The following GMPPB variants were observed in gnomAD, a reference collection of about 807,000 sequenced individuals.
The protein encoded by GMPPB is mannose-1-phosphate guanylyltransferase catalytic subunit beta.
Under a neutral mutation model 40.3 loss-of-function variants are expected in GMPPB, and 38 were observed. The observed-to-expected ratio is 0.94, with a 90% CI of 0.73 to 1.24. The LOEUF (loss-of-function observed/expected upper bound fraction) is 1.24, where lower values mean the gene tolerates loss of function less well. GMPPB is among the 50% of genes most tolerant of loss of function. GMPPB has a pLI of 0.00. For missense variants in GMPPB, 436 were observed against 487.1 expected (o/e 0.90, Z 0.99); for synonymous variants, 193 against 191.8 (o/e 1.01, Z -0.05).
rs761106606 is a variant in GMPPB at position 49,720,631 on chromosome 3, G to A, written c.*1121C>T. ...GCACTGCTCTGCCAGCCCCTGACCGGAAGCGCTTCTCCCTGCAGAGCTGTG... is the reference window on the plus strand; with the variant it reads ...GCACTGCTCTGCCAGCCCCTGACCGAAAGCGCTTCTCCCTGCAGAGCTGTG... On this transcript the variant is annotated 3_prime_UTR_variant, in exon 9 of 9. Transcript: ENST00000308388. 8 of 1,601,980 alleles carry A rather than the reference G, an allele frequency of 5.0e-6. No homozygotes were observed. The South Asian group carries it at 8.9e-5, about 18-fold the overall frequency.
Position 49,721,557 on chromosome 3 carries a change from G to A in GMPPB, c.*195C>T. On this transcript the variant is annotated 3_prime_UTR_variant, in exon 9 of 9. Coordinates refer to ENST00000308388, the MANE Select transcript of GMPPB (RefSeq NM_021971.4). ...CCTGGCCCTGGCCCTTCTTGAGGGA[G>A]TGGGGTTTGTGGGGTGTGCCCAGCA... 1 of 784,616 alleles carries A rather than the reference G, an allele frequency of 1.3e-6. No individual in the cohort carries two copies. Among genetic ancestry groups the A allele is most frequent in the Admixed American group, 2.0e-5 (1 of 50,220 alleles). 48.6% of individuals were successfully genotyped at this position (784,616 alleles called of 1,614,324 possible). A position where few individuals can be genotyped will look rare whatever the true frequency, so the allele number is the denominator to read the frequency against.
chr3:49,720,560 C>T lies in GMPPB; in HGVS notation c.*1192G>A, dbSNP rs372750601. On this transcript the variant is annotated 3_prime_UTR_variant, in exon 9 of 9. Transcript: ENST00000308388. ...CCTGGCAGATCCCTGCTTCCAGCTACGCTCAATATGCTATCTCCTGGGACA... is the reference window on the plus strand; with the variant it reads ...CCTGGCAGATCCCTGCTTCCAGCTATGCTCAATATGCTATCTCCTGGGACA... 7.1e-5 allele frequency: 115 copies of T among 1,611,362 alleles called. 1 individual carries two copies. In the East Asian group the frequency reaches 1.2e-3, roughly 16 times the overall value.
In GMPPB at chr3:49,721,676, G is replaced by C. The variant is rs1332847280; in HGVS notation, c.*76C>G. The C allele has an allele frequency of 7.4e-7, 1 of 1,358,406 alleles. No homozygotes were observed. Among genetic ancestry groups the C allele is most frequent in the African/African-American group, 1.4e-5 (1 of 70,126 alleles). 84.1% of individuals were successfully genotyped at this position (1,358,406 alleles called of 1,614,324 possible). Reference sequence around the variant, plus strand: ...CCCAGACAAATAATGACAAGTCCAGGGTCTTCTGATGTGTCAGGCCAGCAC... The same window carrying C: ...CCCAGACAAATAATGACAAGTCCAGCGTCTTCTGATGTGTCAGGCCAGCAC... On this transcript the variant is annotated 3_prime_UTR_variant, in exon 9 of 9. Coordinates refer to ENST00000308388, the MANE Select transcript of GMPPB (RefSeq NM_021971.4).
At chr3:49,722,177 C>T in intron 7 of GMPPB, 30 bp from the exon 8 acceptor site, 1 of 1,606,218 alleles carries the variant, frequency 6.2e-7, no homozygotes, top group South Asian at 1.1e-5. Context: ...TACAAGTGGG[C>T]CACTTGTCTC....
chr3:49,720,864 T>C lies in GMPPB; in HGVS notation c.*888A>G, dbSNP rs777330707. The C allele has an allele frequency of 3.7e-6, 6 of 1,614,190 alleles. No individual in the cohort carries two copies. In the South Asian group the frequency reaches 5.5e-5, roughly 15 times the overall value. On this transcript the variant is annotated 3_prime_UTR_variant, in exon 9 of 9. Coordinates refer to ENST00000308388, the MANE Select transcript of GMPPB (RefSeq NM_021971.4). ...AACAGATGCTGGCGCACCTGACCTC[T>C]GCATCTGCCCAGGCAGCAGCTGCCT...
rs2080464087 is a variant in GMPPB at position 49,723,871 on chromosome 3, G to T, written c.-145C>A. On this transcript the variant is annotated 5_prime_UTR_variant, in exon 1 of 9. Transcript: ENST00000308388. ...GACAGACTCTGGCTCCACCTCGTCC[G>T]CCCGGTCGCCCTGACGCCGGATCCA... is the stretch of plus-strand genomic sequence containing the variant. 3 of 917,846 alleles carry T rather than the reference G, an allele frequency of 3.3e-6. No homozygotes were observed. The highest frequency in any genetic ancestry group is 4.7e-6 in the Non-Finnish European group (3 of 638,736). 56.9% of individuals were successfully genotyped at this position (917,846 alleles called of 1,614,324 possible).
At chr3:49,723,516 G>A (rs779074563) in intron 1 of GMPPB, 44 bp from the exon 2 acceptor site, 1 of 1,611,400 alleles carries the variant, frequency 6.2e-7, no homozygotes, top group Non-Finnish European at 8.5e-7. Flanking sequence ...CAGAAGGTAC[G>A]GGAGCCCCTG....
chr3:49,722,969 T>C lies in GMPPB; in HGVS notation c.402+3A>G. ...TCAAGAGAGAGAAGACCTGGCGCCT[T>C]ACCAGGATGGAGCCCTCCTGGCCAT... is the stretch of plus-strand genomic sequence containing the variant. On this transcript the variant is annotated splice_donor_region_variant and intron_variant, in intron 4 of 8. Coordinates refer to ENST00000308388, the MANE Select transcript of GMPPB (RefSeq NM_021971.4). 1 of 1,613,102 alleles carries C rather than the reference T, an allele frequency of 6.2e-7. No homozygotes were observed. The highest frequency in any genetic ancestry group is 8.5e-7 in the Non-Finnish European group (1 of 1,179,494).
In GMPPB at chr3:49,721,535, G is replaced by T; in HGVS notation, c.*217C>A. ...TTAAATTATTATTCCATACAGCCCT[G>T]GCCCTGGCCCTTCTTGAGGGAGTGG... On this transcript the variant is annotated 3_prime_UTR_variant, in exon 9 of 9. Transcript: ENST00000308388. 1 of 800,478 alleles carries T rather than the reference G, an allele frequency of 1.2e-6. No homozygotes were observed. The highest frequency in any genetic ancestry group is 2.0e-5 in the Admixed American group (1 of 50,518). The allele number at this position is 800,478 out of a possible 1,614,324, so 49.6% of individuals were successfully genotyped here. A position where few individuals can be genotyped will look rare whatever the true frequency, so the allele number is the denominator to read the frequency against.
In GMPPB at chr3:49,720,704, A is replaced by G. The variant is rs2080385456; in HGVS notation, c.*1048T>C. The G allele has an allele frequency of 6.2e-7, 1 of 1,601,838 alleles. No individual in the cohort carries two copies. Among genetic ancestry groups the G allele is most frequent in the Non-Finnish European group, 8.5e-7 (1 of 1,170,348 alleles). On this transcript the variant is annotated 3_prime_UTR_variant, in exon 9 of 9. Transcript: ENST00000308388. ...GGGAAATCTGGGGCTGGGTCGGGTC[A>G]GGAGCCTTAAGAACAGCAAAGTCCT... is the stretch of plus-strand genomic sequence containing the variant.
chr3:49,720,417 G>A lies in GMPPB; in HGVS notation c.*1335C>T, dbSNP rs181013266. 220 of 1,307,864 alleles carry A rather than the reference G, an allele frequency of 1.7e-4. No homozygotes were observed. The African/African-American group carries it at 3.0e-3, about 18-fold the overall frequency. The allele number at this position is 1,307,864 out of a possible 1,614,324, so 81.0% of individuals were successfully genotyped here. On this transcript the variant is annotated 3_prime_UTR_variant, in exon 9 of 9. Coordinates refer to ENST00000308388, the MANE Select transcript of GMPPB (RefSeq NM_021971.4). The stretch of plus-strand genomic sequence containing the variant: ...GAAAGGATGCAGGGGGGGTGATCAT[G>A]TACGAGCCATGGCACTCCTCATTGG...
chr3:49,720,765 C>T lies in GMPPB; in HGVS notation c.*987G>A, dbSNP rs1462198811. 1 of 1,612,700 alleles carries T rather than the reference C, an allele frequency of 6.2e-7. No homozygotes were observed. Among genetic ancestry groups the T allele is most frequent in the Non-Finnish European group, 8.5e-7 (1 of 1,178,706 alleles). On this transcript the variant is annotated 3_prime_UTR_variant, in exon 9 of 9. Transcript: ENST00000308388. The stretch of plus-strand genomic sequence containing the variant: ...TATTCAAGAGGCATCACATCCTCAG[C>T]TACCTCTGACTTGACACTACCTACC...
rs1310831334 is a variant in GMPPB, at chr3:49,721,439, T to C, written c.*313A>G. 8.1e-7 allele frequency: 1 copy of C among 1,234,956 alleles called. No homozygotes were observed. Among genetic ancestry groups the C allele is most frequent in the African/African-American group, 1.5e-5 (1 of 67,906 alleles). The allele number at this position is 1,234,956 out of a possible 1,614,324, so 76.5% of individuals were successfully genotyped here. ...CCAACCTCCTTGCCTGCCTGTATCC[T>C]CATTGGTGGGAGCCCAGCCATGGCC... On this transcript the variant is annotated 3_prime_UTR_variant, in exon 9 of 9. Transcript: ENST00000308388.
In GMPPB at chr3:49,722,064, C is replaced by G; in HGVS notation, c.852G>C (p.Val284=). The G allele has an allele frequency of 6.2e-7, 1 of 1,613,618 alleles. No individual in the cohort carries two copies. Among genetic ancestry groups the G allele is most frequent in the Non-Finnish European group, 8.5e-7 (1 of 1,180,040 alleles). The change falls in exon 8 of 9, where the codon GTG becomes GTC. Residue 284 remains valine (V), a synonymous_variant. Coordinates refer to ENST00000308388, the MANE Select transcript of GMPPB (RefSeq NM_021971.4). ...LGPGVVVEDG[V]CIRRCTVLRD... is the part of the protein sequence containing the mutation. ...GCAGCACCGTGCACCGCCGGATACA[C>G]ACACCATCTTCGACCACCACGCCAG...
Position 49,720,701 on chromosome 3 carries a change from G to A in GMPPB, c.*1051C>T. 1 of 1,601,692 alleles carries A rather than the reference G, an allele frequency of 6.2e-7. No homozygotes were observed. The highest frequency in any genetic ancestry group is 8.5e-7 in the Non-Finnish European group (1 of 1,170,296). ...TCAGGGAAATCTGGGGCTGGGTCGG[G>A]TCAGGAGCCTTAAGAACAGCAAAGT... On this transcript the variant is annotated 3_prime_UTR_variant, in exon 9 of 9. Coordinates refer to ENST00000308388, the MANE Select transcript of GMPPB (RefSeq NM_021971.4).
In GMPPB at chr3:49,721,575, GCCCAGCAGGGAT is replaced by G. The variant is rs894462013; in HGVS notation, c.*165_*176del. On this transcript the variant is annotated 3_prime_UTR_variant, in exon 9 of 9. Transcript: ENST00000308388. Reference sequence around the variant, plus strand: ...TGAGGGAGTGGGGTTTGTGGGGTGTGCCCAGCAGGGATCCTGCCAGATGATGTCCACATGAGA... The same window carrying G: ...TGAGGGAGTGGGGTTTGTGGGGTGTGCCTGCCAGATGATGTCCACATGAGA... 5 of 806,820 alleles carry G rather than the reference GCCCAGCAGGGAT, an allele frequency of 6.2e-6. No individual in the cohort carries two copies. The African/African-American group carries it at 8.4e-5, about 14-fold the overall frequency. 50.0% of individuals were successfully genotyped at this position (806,820 alleles called of 1,614,324 possible).
In GMPPB at chr3:49,721,417, A is replaced by G. The variant is rs548803801; in HGVS notation, c.*335T>C. The G allele has an allele frequency of 4.3e-6, 6 of 1,386,556 alleles. No homozygotes were observed. The Admixed American group carries it at 8.4e-5, about 19-fold the overall frequency. 85.9% of individuals were successfully genotyped at this position (1,386,556 alleles called of 1,614,324 possible). On this transcript the variant is annotated 3_prime_UTR_variant, in exon 9 of 9. Coordinates refer to ENST00000308388, the MANE Select transcript of GMPPB (RefSeq NM_021971.4). ...CCTGTATCCCACACCACCACATCCA[A>G]CCTCCTTGCCTGCCTGTATCCTCAT...
chr3:49,722,606 T>C lies in GMPPB; in HGVS notation c.551A>G (p.Gln184Arg), dbSNP rs1466685. 1 allele frequency: 1,610,453 copies of C among 1,614,016 alleles called. 803,498 individuals are homozygous for C. The highest frequency in any genetic ancestry group is 1 in the East Asian group (44,886 of 44,886). ...GMYILSPAVL[Q>R]RIQLQPTSIE... ...CTGTCTCCTACACACCTGGATGCGC[T>C]GCAGCACTGCAGGGCTCAGGATGTA... is the stretch of plus-strand genomic sequence containing the variant. Residue 184 changes from glutamine (Q) to arginine (R), a missense_variant, in exon 5 of 9, where the codon CAG (glutamine) becomes CGG (arginine). Physicochemically the swap from Gln to Arg is conservative, Grantham distance 43. Transcript: ENST00000308388.
chr3:49,722,087 C>T lies in GMPPB; in HGVS notation c.829G>A (p.Gly277Ser). 2 of 1,613,620 alleles carry T rather than the reference C, an allele frequency of 1.2e-6. No individual in the cohort carries two copies. The highest frequency in any genetic ancestry group is 1.7e-6 in the Non-Finnish European group (2 of 1,180,024). ...SIGPNVSLGP[G>S]VVVEDGVCIR... ...CACACACCATCTTCGACCACCACGCCAGGTCCCAGGCTCACATTGGGGCCA... is the reference window on the plus strand; with the variant it reads ...CACACACCATCTTCGACCACCACGCTAGGTCCCAGGCTCACATTGGGGCCA... Residue 277 changes from glycine (G) to serine (S), a missense_variant, in exon 8 of 9, where the codon GGC (glycine) becomes AGC (serine). Transcript: ENST00000308388.
Sources: allele counts gnomAD v4.1 joint callset, GRCh38; gene constraint gnomAD v4.1.1; transcripts MANE v1.5; gene names NCBI Gene and HGNC (gene_info 2026-07-23, HGNC 2026-07-21).